Variants in PGCKA1 observed in about 807,000 individuals in gnomAD.
PGCKA1 encodes PDCD10 and GCKIII kinases associated 1, also known as PDCD10 and GCKIII kinases-associated protein 1.
At chr4:37,534,265 A>T in the PGCKA1 span, among the ~76,000 whole-genome samples, 1 of 152,230 alleles carries the variant, frequency 6.6e-6, no homozygotes, top group African/African-American at 2.4e-5. Flanking sequence ...CATGAAGCCC[A>T]GGAATGTGAG....
At chr4:37,563,418 G>A in the PGCKA1 span, among the ~76,000 whole-genome samples, 29 of 151,820 alleles carry the variant, frequency 1.9e-4, no homozygotes, top group East Asian at 3.9e-4. Context: ...ATTCGCTTTC[G>A]CTCACAAGCC....
chr4:37,479,811 A>G, the PGCKA1 span, among the ~76,000 whole-genome samples: 1 of 152,214 alleles, frequency 6.6e-6, no homozygotes, highest in Admixed American at 6.5e-5. Flanking sequence ...CTTTAAAAAC[A>G]AGAAGCTGTT....
chr4:37,521,684 AAATATCTGTTAGATCCAT>A, the PGCKA1 span, among the ~76,000 whole-genome samples: 1 of 152,230 alleles, frequency 6.6e-6, no homozygotes, highest in African/African-American at 2.4e-5. Context: ...AATGTTCTGT[AAATATCTGTTAGATCCAT>A]TTGGTCTAGA....
chr4:37,468,750 A>C, the PGCKA1 span, among the ~76,000 whole-genome samples: 8 of 151,932 alleles, frequency 5.3e-5, no homozygotes, highest in African/African-American at 1.7e-4. Flanking sequence ...ATACCCCCCC[A>C]CACACATATG....
the PGCKA1 span, among the ~76,000 whole-genome samples, chr4:37,524,457 C>T: frequency 4.6e-5 from 7 of 152,232 alleles, no homozygotes; most frequent in Non-Finnish European, 8.8e-5. Context: ...GCTCCTCATG[C>T]ATCTCCACAG....
the PGCKA1 span, among the ~76,000 whole-genome samples, chr4:37,481,332 G>A: frequency 6.6e-6 from 1 of 151,794 alleles, no homozygotes; most frequent in African/African-American, 2.4e-5. Flanking sequence ...GGACATGATG[G>A]CGTGCACCTG....
chr4:37,570,875 G>C, the PGCKA1 span, among the ~76,000 whole-genome samples: 1 of 152,238 alleles, frequency 6.6e-6, no homozygotes, highest in Non-Finnish European at 1.5e-5. Flanking sequence ...CCCAAGATGG[G>C]AAGGGGGAAC....
At chr4:37,502,642 C>A in the PGCKA1 span, among the ~76,000 whole-genome samples, 1 of 152,178 alleles carries the variant, frequency 6.6e-6, no homozygotes, top group African/African-American at 2.4e-5. Flanking sequence ...CACATGGGTG[C>A]TAGCAGGGCA....
chr4:37,565,967 C>T, the PGCKA1 span, among the ~76,000 whole-genome samples: 10 of 152,160 alleles, frequency 6.6e-5, no homozygotes, highest in Admixed American at 2.6e-4. Context: ...ATCCTTCTCC[C>T]GTGCTGGACA....
At chr4:37,559,614 A>G in the PGCKA1 span, among the ~76,000 whole-genome samples, 2 of 150,536 alleles carry the variant, frequency 1.3e-5, no homozygotes, top group Middle Eastern at 3.2e-3. Flanking sequence ...ATAAAATAAA[A>G]TAAATTCAGT....
chr4:37,455,067 TCAAG>T, the PGCKA1 span, among the ~76,000 whole-genome samples: 1 of 152,190 alleles, frequency 6.6e-6, no homozygotes, highest in African/African-American at 2.4e-5. Context: ...GTGGTTGCAA[TCAAG>T]CAAGCTCTTA....
chr4:37,537,150 A>G, the PGCKA1 span, among the ~76,000 whole-genome samples: 2 of 152,244 alleles, frequency 1.3e-5, no homozygotes, highest in African/African-American at 4.8e-5. Context: ...AGATATAGAT[A>G]CTTAAGGACT....
the PGCKA1 span, among the ~76,000 whole-genome samples, chr4:37,470,926 A>G: frequency 1.3e-5 from 2 of 152,152 alleles, no homozygotes; most frequent in Non-Finnish European, 2.9e-5. Flanking sequence ...ATTATTATTC[A>G]CTCAACAAAT....
At chr4:37,552,130 C>G in the PGCKA1 span, among the ~76,000 whole-genome samples, 1 of 152,226 alleles carries the variant, frequency 6.6e-6, no homozygotes, top group African/African-American at 2.4e-5. Context: ...CTGGCCTAAA[C>G]CTAGTAGTTA....
the PGCKA1 span, among the ~76,000 whole-genome samples, chr4:37,540,960 T>C: frequency 1.3e-4 from 19 of 149,494 alleles, no homozygotes; most frequent in Admixed American, 1.1e-3. Context: ...TTTTTTTTCC[T>C]TTCATGGAAG....
chr4:37,504,017 G>A, the PGCKA1 span, among the ~76,000 whole-genome samples: 1 of 152,016 alleles, frequency 6.6e-6, no homozygotes, highest in Non-Finnish European at 1.5e-5. Context: ...GTATTACTTT[G>A]TCCAGTCCAA....
chr4:37,496,837 G>T, the PGCKA1 span, among the ~76,000 whole-genome samples: 1 of 152,018 alleles, frequency 6.6e-6, no homozygotes, highest in Non-Finnish European at 1.5e-5. Context: ...GTATTCCTAG[G>T]TATTTTATTC....
At chr4:37,481,464 C>CAAAAAAAAAAAAAAAAA in the PGCKA1 span, among the ~76,000 whole-genome samples, 32 of 61,394 alleles carry the variant, frequency 5.2e-4, 1 homozygote, top group Non-Finnish European at 6.7e-4. Flanking sequence ...GACCTGTCTC[C>CAAAAAAAAAAAAAAAAA]AAAAAAAAAA....
At chr4:37,588,602 G>C in the PGCKA1 span, 1 of 453,976 alleles carries the variant, frequency 2.2e-6, no homozygotes, top group Non-Finnish European at 4.0e-6. Flanking sequence ...ATAACCCCAG[G>C]GTTGGGAGAA....
Sources: allele counts gnomAD v4.1 joint callset (sites outside exome capture counted in the v4.1 genomes callset), GRCh38; gene constraint gnomAD v4.1.1; transcripts MANE v1.5; gene names NCBI Gene and HGNC (gene_info 2026-07-23, HGNC 2026-07-21).